The following RALY variants were observed in gnomAD, a reference collection of about 807,000 sequenced individuals.
RALY encodes RNA-binding protein Raly.
Under a neutral mutation model 30.7 loss-of-function variants are expected in RALY, and 15 were observed. The observed-to-expected ratio is 0.49, with a 90% CI of 0.33 to 0.75. RALY has a LOEUF of 0.75. Among genes scored for constraint, RALY ranks in the 30% least tolerant of loss-of-function variants. The probability of loss-of-function intolerance (pLI) is 0.02; values close to 1 mark genes in which losing one functional copy is unlikely to be tolerated. For missense variants in RALY, 339 were observed against 414.3 expected (o/e 0.82, Z 1.58); for synonymous variants, 177 against 170.8 (o/e 1.04, Z -0.28).
intron 2 of RALY, among the ~76,000 whole-genome samples, chr20:34,035,181 A>AC (rs2032446545): frequency 6.9e-6 from 1 of 143,896 alleles, no homozygotes; most frequent in East Asian, 1.9e-4. Flanking sequence ...AAAAAAAAAA[A>AC]AAAAAACAGT....
intron 1 of RALY, among the ~76,000 whole-genome samples, chr20:34,001,933 A>AT (rs1568647124): frequency 1.3e-5 from 2 of 151,814 alleles, no homozygotes; most frequent in African/African-American, 2.4e-5. Flanking sequence ...CGCCCGGCTA[A>AT]TTTTTTTGTA....
At chr20:34,049,970 T>G (rs981126403) in intron 2 of RALY, among the ~76,000 whole-genome samples, 5 of 152,180 alleles carry the variant, frequency 3.3e-5, no homozygotes, top group African/African-American at 7.2e-5. Flanking sequence ...CTAAGCTGAC[T>G]GGGGAGAAAG....
At chr20:34,023,423 A>C (rs996891564) in intron 1 of RALY, among the ~76,000 whole-genome samples, 1 of 152,266 alleles carries the variant, frequency 6.6e-6, no homozygotes, top group East Asian at 1.9e-4. Flanking sequence ...ACCTAGGTCT[A>C]TCTGCTAATT....
At chr20:34,053,414 T>TTTTTTTTTTTTG (rs2033143525) in intron 2 of RALY, among the ~76,000 whole-genome samples, 1 of 132,702 alleles carries the variant, frequency 7.5e-6, no homozygotes. Flanking sequence ...TTTTTTTTTT[T>TTTTTTTTTTTTG]TGAGACAAGG....
At chr20:34,035,371 T>C (rs1208798577) in intron 2 of RALY, among the ~76,000 whole-genome samples, 2 of 152,106 alleles carry the variant, frequency 1.3e-5, no homozygotes, top group African/African-American at 4.8e-5. Flanking sequence ...TACTGAATGC[T>C]CTACATAAAT....
chr20:34,011,134 T>G (rs1456796545), intron 1 of RALY, among the ~76,000 whole-genome samples: 1 of 152,184 alleles, frequency 6.6e-6, no homozygotes, highest in Non-Finnish European at 1.5e-5. Flanking sequence ...TATACTTATT[T>G]TTTCAGAGTT....
chr20:34,004,827 ATTAG>A (rs2031086923), intron 1 of RALY, among the ~76,000 whole-genome samples: 2 of 152,292 alleles, frequency 1.3e-5, no homozygotes, highest in African/African-American at 4.8e-5. Flanking sequence ...GAGCTCATCT[ATTAG>A]TTGTATATTT....
intron 2 of RALY, among the ~76,000 whole-genome samples, chr20:34,043,573 A>G (rs937525687): frequency 2.0e-5 from 3 of 152,334 alleles, no homozygotes; most frequent in Admixed American, 2.0e-4. Context: ...TAATCTTCTT[A>G]GAATGATATT....
At chr20:34,058,492 C>T (rs988596147) in intron 2 of RALY, among the ~76,000 whole-genome samples, 1 of 76,510 alleles carries the variant, frequency 1.3e-5, no homozygotes, top group Non-Finnish European at 2.4e-5. Context: ...CATACAATGC[C>T]CTATCCCCAT....
At chr20:34,016,273 G>A (rs548898920) in intron 1 of RALY, among the ~76,000 whole-genome samples, 1 of 152,342 alleles carries the variant, frequency 6.6e-6, no homozygotes, top group East Asian at 1.9e-4. Flanking sequence ...TGACAGCCAA[G>A]CTAGCAGACT....
intron 2 of RALY, among the ~76,000 whole-genome samples, chr20:34,047,434 T>G (rs149350375): frequency 6.6e-6 from 1 of 152,170 alleles, no homozygotes; most frequent in Admixed American, 6.5e-5. Context: ...GCCAGCTCCA[T>G]TGAATGGAAG....
At chr20:34,010,171 T>C (rs1407008740) in intron 1 of RALY, among the ~76,000 whole-genome samples, 2 of 152,204 alleles carry the variant, frequency 1.3e-5, no homozygotes, top group Admixed American at 6.5e-5. Context: ...GTGAGTCTGA[T>C]GTGTCATGAA....
chr20:34,042,609 G>GT (rs1353971445), intron 2 of RALY, among the ~76,000 whole-genome samples: 2 of 152,296 alleles, frequency 1.3e-5, no homozygotes, highest in East Asian at 3.9e-4. Flanking sequence ...CATGTGTCAG[G>GT]TTTTGTTTAA....
intron 1 of RALY, among the ~76,000 whole-genome samples, chr20:34,003,543 G>C (rs763607463): frequency 6.6e-6 from 1 of 151,580 alleles, no homozygotes; most frequent in Non-Finnish European, 1.5e-5. Flanking sequence ...GAGGTGAACT[G>C]TTCAGCGGGA....
At position 34,072,197 on chromosome 20, in the gene RALY, C is replaced by A; in HGVS notation, c.123C>A (p.Ile41=). 1 of 1,614,264 alleles carries A rather than the reference C, an allele frequency of 6.2e-7. No individual in the cohort carries two copies. Among genetic ancestry groups the A allele is most frequent in the Non-Finnish European group, 8.5e-7 (1 of 1,180,048 alleles). Residue 41 remains isoleucine (I), a synonymous_variant, in exon 3 of 10, where the codon ATC becomes ATA. Transcript: ENST00000246194. ...ALVKKSDVET[I]FSKYGRVAGC... ...TGAAGAAATCAGATGTGGAGACCATCTTCTCTAAGTATGGCCGTGTGGCCG... is the reference window on the plus strand; with the variant it reads ...TGAAGAAATCAGATGTGGAGACCATATTCTCTAAGTATGGCCGTGTGGCCG...
chr20:34,010,050 T>A lies in RALY; in HGVS notation c.-93+15919T>A, dbSNP rs6059622. Reference sequence around the variant, plus strand: ...ATTGGCTGATAAATCTGTCTCGGCCTATCTTAGGACTTCATATGGACAGCA... The same window carrying A: ...ATTGGCTGATAAATCTGTCTCGGCCAATCTTAGGACTTCATATGGACAGCA... On this transcript the variant is annotated intron_variant, in intron 1 of 9. Coordinates refer to ENST00000246194, the MANE Select transcript of RALY (RefSeq NM_016732.3). Among the ~76,000 whole-genome samples, 1,063 of 152,332 alleles carry A rather than the reference T, an allele frequency of 7.0e-3. 12 individuals are homozygous for A. The highest frequency in any genetic ancestry group is 0.023 in the African/African-American group (959 of 41,560).
At position 34,014,657 on chromosome 20, in the gene RALY, GTTAC is replaced by G. The variant is rs1215049631; in HGVS notation, c.-92-16861_-92-16858del. On this transcript the variant is annotated intron_variant, in intron 1 of 9. Coordinates refer to ENST00000246194, the MANE Select transcript of RALY (RefSeq NM_016732.3). ...CTGATTCTTAGCTCTTGAAACTATT[GTTAC>G]TTAAATTTCCAATAATTAAAAATTA... is the stretch of plus-strand genomic sequence containing the variant. 3.9e-5 allele frequency among the ~76,000 whole-genome samples: 6 copies of G among 152,118 alleles called. No homozygotes were observed. In the East Asian group the frequency reaches 1.2e-3, roughly 29 times the overall value.
chr20:34,026,434 G>T (rs569119219), intron 1 of RALY, among the ~76,000 whole-genome samples: 4 of 150,494 alleles, frequency 2.7e-5, no homozygotes, highest in Non-Finnish European at 5.9e-5. Context: ...GCGGAGTCTC[G>T]CTCTGTCGCC....
chr20:34,066,926 C>T (rs1336428629), intron 2 of RALY, among the ~76,000 whole-genome samples: 1 of 152,124 alleles, frequency 6.6e-6, no homozygotes, highest in African/African-American at 2.4e-5. Context: ...AGGGTGAGGA[C>T]CAAGGAGAGC....
Sources: allele counts gnomAD v4.1 joint callset (sites outside exome capture counted in the v4.1 genomes callset), GRCh38; gene constraint gnomAD v4.1.1; transcripts MANE v1.5; gene names NCBI Gene and HGNC (gene_info 2026-07-23, HGNC 2026-07-21).